The following SLC7A11 variants were observed in gnomAD, a reference collection of about 807,000 sequenced individuals.
The protein encoded by SLC7A11 is cystine/glutamate transporter.
SLC7A11 carries 35 observed loss-of-function variants against 54.5 expected under a neutral mutation model. The observed-to-expected ratio is 0.64, with a 90% confidence interval of 0.49 to 0.85. The LOEUF (loss-of-function observed/expected upper bound fraction) is 0.85, where lower values mean the gene tolerates loss of function less well. Among genes scored for constraint, SLC7A11 ranks in the 40% least tolerant of loss-of-function variants. The pLI, the probability that SLC7A11 is intolerant of heterozygous loss-of-function variation, is 0.00. For synonymous variants in SLC7A11, 230 were observed against 225.2 expected (o/e 1.02, Z -0.19); for missense variants, 583 against 618.1 (o/e 0.94, Z 0.60).
rs569436724 is a variant in SLC7A11 at position 138,232,652 on chromosome 4, C to T, written c.405-270G>A. 7.4e-4 allele frequency among the ~76,000 whole-genome samples: 112 copies of T among 152,282 alleles called. 1 individual carries two copies. In the South Asian group the frequency reaches 0.022, roughly 30 times the overall value. On this transcript the variant is annotated intron_variant, in intron 2 of 11. Transcript: ENST00000280612. ...CCCTGCTCTCCCATATTTGACTTTT[C>T]CTTAAAAATCTGGTTTATTACATGA... is the stretch of plus-strand genomic sequence containing the variant.
rs1361757433 is a variant in SLC7A11, at chr4:138,171,919, C to T, written c.*37G>A. Reference sequence around the variant, plus strand: ...AGTAAAAATCCCTATTTTGTGTCTCCCCTTGGGCAGATTGCCAAGATCTCA... The same window carrying T: ...AGTAAAAATCCCTATTTTGTGTCTCTCCTTGGGCAGATTGCCAAGATCTCA... On this transcript the variant is annotated 3_prime_UTR_variant, in exon 12 of 12. Coordinates refer to ENST00000280612, the MANE Select transcript of SLC7A11 (RefSeq NM_014331.4). 3 of 1,570,314 alleles carry T rather than the reference C, an allele frequency of 1.9e-6. No individual in the cohort carries two copies. The highest frequency in any genetic ancestry group is 2.6e-6 in the Non-Finnish European group (3 of 1,165,656).
At chr4:138,198,910 T>C (rs1415861942) in intron 6 of SLC7A11, among the ~76,000 whole-genome samples, 1 of 152,022 alleles carries the variant, frequency 6.6e-6, no homozygotes, top group East Asian at 1.9e-4. Flanking sequence ...GAAAATATAA[T>C]AAAATGACAT....
At chr4:138,216,748 C>T (rs1272013704) in intron 5 of SLC7A11, among the ~76,000 whole-genome samples, 2 of 152,118 alleles carry the variant, frequency 1.3e-5, no homozygotes, top group South Asian at 2.1e-4. Context: ...ACAGGCTGGG[C>T]GGTAAGCTCT....
chr4:138,216,375 A>G (rs563964528), intron 5 of SLC7A11, among the ~76,000 whole-genome samples: 4 of 152,172 alleles, frequency 2.6e-5, no homozygotes, highest in Non-Finnish European at 5.9e-5. Context: ...ACGATTTTCT[A>G]TCACACAATT....
At chr4:138,201,124 C>T (rs887498008) in intron 6 of SLC7A11, among the ~76,000 whole-genome samples, 2 of 152,048 alleles carry the variant, frequency 1.3e-5, no homozygotes, top group African/African-American at 4.8e-5. Flanking sequence ...ATCATACATT[C>T]TATTCTTTAA....
chr4:138,185,007 G>T, intron 7 of SLC7A11, 114 bp downstream of exon 7: 1 of 1,182,016 alleles, frequency 8.5e-7, no homozygotes, highest in Non-Finnish European at 1.3e-6. Context: ...CTATTATTCA[G>T]GTCAAGAAAA....
intron 6 of SLC7A11, among the ~76,000 whole-genome samples, chr4:138,198,950 C>A (rs1737206167): frequency 6.6e-6 from 1 of 151,988 alleles, no homozygotes; most frequent in Admixed American, 6.6e-5. Context: ...AGATCTATAG[C>A]ACATAAGTAG....
chr4:138,184,968 A>C (rs1736840408), intron 7 of SLC7A11, among the ~76,000 whole-genome samples, 153 bp downstream of exon 7: 1 of 152,178 alleles, frequency 6.6e-6, no homozygotes, highest in African/African-American at 2.4e-5. Context: ...GAATATGCTA[A>C]GGTATGCTCT....
rs1181927673 is a variant in SLC7A11, at chr4:138,172,329, A to G, written c.1445-312T>C. Among the ~76,000 whole-genome samples the G allele has an allele frequency of 1.1e-4, 17 of 152,250 alleles. 1 individual carries two copies. Among genetic ancestry groups the G allele is most frequent in the Admixed American group, 1.1e-3 (17 of 15,280 alleles). ...AGGACCAATATATAAATAAATGTTT[A>G]AAAATACACTTTATATCAGTTTAAA... On this transcript the variant is annotated intron_variant, in intron 11 of 11. Coordinates refer to ENST00000280612, the MANE Select transcript of SLC7A11 (RefSeq NM_014331.4).
rs1259525532 is a variant in SLC7A11, at chr4:138,232,292, G to C, written c.495C>G (p.Ile165Met). The change falls in exon 3 of 12, where the codon ATC becomes ATG. Residue 165 changes from isoleucine to methionine, a missense_variant. Coordinates refer to ENST00000280612, the MANE Select transcript of SLC7A11 (RefSeq NM_014331.4). Reference sequence around the variant, plus strand: ...TTATGCCCACAGCTGTAATGAGCTTGATCGCAAGTTCAGGGATTTCACATT... The same window carrying C: ...TTATGCCCACAGCTGTAATGAGCTTCATCGCAAGTTCAGGGATTTCACATT... Reference protein sequence around the residue: ...FIQCEIPELAIKLITAVGITV... With the variant: ...FIQCEIPELAMKLITAVGITV... 21 of 1,611,146 alleles carry C rather than the reference G, an allele frequency of 1.3e-5. No homozygotes were observed. Among genetic ancestry groups the C allele is most frequent in the Non-Finnish European group, 1.7e-5 (20 of 1,177,504 alleles).
intron 4 of SLC7A11, among the ~76,000 whole-genome samples, chr4:138,222,153 T>C (rs894046719): frequency 6.6e-6 from 1 of 152,200 alleles, no homozygotes. Context: ...TAAAAGCATT[T>C]CCGCCAGCAG....
chr4:138,206,744 G>C (rs1737416775), intron 6 of SLC7A11, among the ~76,000 whole-genome samples: 1 of 151,840 alleles, frequency 6.6e-6, no homozygotes, highest in South Asian at 2.1e-4. Context: ...GCCGAGAAAT[G>C]CAAGAATTTT....
At chr4:138,205,617 T>C (rs1431615503) in intron 6 of SLC7A11, among the ~76,000 whole-genome samples, 1 of 152,072 alleles carries the variant, frequency 6.6e-6, no homozygotes, top group Non-Finnish European at 1.5e-5. Context: ...TAGATTTTAG[T>C]TGTCTAAGAA....
At chr4:138,230,582 C>G (rs1332701861) in intron 3 of SLC7A11, among the ~76,000 whole-genome samples, 1 of 152,038 alleles carries the variant, frequency 6.6e-6, no homozygotes, top group Non-Finnish European at 1.5e-5. Flanking sequence ...AGCACAAGAT[C>G]ACAAAACTAA....
In SLC7A11 at chr4:138,171,263, T is replaced by C. The variant is rs1385722411; in HGVS notation, c.*693A>G. 1.3e-5 allele frequency: 2 copies of C among 152,064 alleles called. No homozygotes were observed. Among genetic ancestry groups the C allele is most frequent in the Non-Finnish European group, 2.9e-5 (2 of 67,992 alleles). 9.4% of individuals were successfully genotyped at this position (152,064 alleles called of 1,614,324 possible). On this transcript the variant is annotated 3_prime_UTR_variant, in exon 12 of 12. Transcript: ENST00000280612. ...ATAACTAAAACTTCCTGATAATGAATGAAAAAACATCTGACATAATAAATT... is the reference window on the plus strand; with the variant it reads ...ATAACTAAAACTTCCTGATAATGAACGAAAAAACATCTGACATAATAAATT...
At position 138,205,385 on chromosome 4, in the gene SLC7A11, T is replaced by C. The variant is rs561199006; in HGVS notation, c.791+9200A>G. 9.9e-5 allele frequency among the ~76,000 whole-genome samples: 15 copies of C among 152,242 alleles called. No homozygotes were observed. In the South Asian group the frequency reaches 1.2e-3, roughly 13 times the overall value. ...GCTTGTGTCTATCCAAATTCAAAAG[T>C]TGCTCATTTTCCTGAGTAGATCAAT... On this transcript the variant is annotated intron_variant, in intron 6 of 11. Coordinates refer to ENST00000280612, the MANE Select transcript of SLC7A11 (RefSeq NM_014331.4).
rs75378585 is a variant in SLC7A11 at position 138,192,420 on chromosome 4, C to T, written c.792-7176G>A. 4.5e-3 allele frequency among the ~76,000 whole-genome samples: 689 copies of T among 152,190 alleles called. 4 individuals are homozygous for T. Among genetic ancestry groups the T allele is most frequent in the African/African-American group, 0.015 (605 of 41,546 alleles). On this transcript the variant is annotated intron_variant, in intron 6 of 11. Transcript: ENST00000280612. ...AAAGGAATACGGGTCACAGAATAAA[C>T]GTGAAAGCCTACTGGTGGCCAGGGA...
At chr4:138,223,727 T>C (rs1560736476) in intron 3 of SLC7A11, among the ~76,000 whole-genome samples, 1 of 152,184 alleles carries the variant, frequency 6.6e-6, no homozygotes, top group South Asian at 2.1e-4. Flanking sequence ...GTCTCTATGA[T>C]GGTATGCCTG....
At position 138,181,127 on chromosome 4, in the gene SLC7A11, T is replaced by C. The variant is rs112624237; in HGVS notation, c.1117-337A>G. 3.6e-3 allele frequency among the ~76,000 whole-genome samples: 552 copies of C among 152,150 alleles called. 4 individuals are homozygous for C. Among genetic ancestry groups the C allele is most frequent in the South Asian group, 0.012 (59 of 4,818 alleles). On this transcript the variant is annotated intron_variant, in intron 9 of 11. Transcript: ENST00000280612. ...AGAAAGGTTACTCAATGACTCAAAATTGAAAGACTCAAAGATTGAGATGAT... is the reference window on the plus strand; with the variant it reads ...AGAAAGGTTACTCAATGACTCAAAACTGAAAGACTCAAAGATTGAGATGAT...
Sources: allele counts gnomAD v4.1 joint callset (sites outside exome capture counted in the v4.1 genomes callset), GRCh38; gene constraint gnomAD v4.1.1; transcripts MANE v1.5; gene names NCBI Gene and HGNC (gene_info 2026-07-23, HGNC 2026-07-21).